Variants in FRAS1 observed in about 807,000 individuals in gnomAD.
FRAS1 encodes the protein extracellular matrix organizing protein FRAS1.
Under a neutral mutation model 435.2 loss-of-function variants are expected in FRAS1, and 290 were observed. That is an observed-to-expected ratio of 0.67 (90% CI 0.61 to 0.73). FRAS1 has a LOEUF of 0.73. Ranked by LOEUF, FRAS1 falls within the 30% of genes least tolerant of loss-of-function variation. The pLI, the probability that FRAS1 is intolerant of heterozygous loss-of-function variation, is 0.00. For missense variants in FRAS1, 4,860 were observed against 5,001.5 expected (o/e 0.97, Z 0.85); for synonymous variants, 1,800 against 1,851.0 (o/e 0.97, Z 0.71).
intron 50 of FRAS1, among the ~76,000 whole-genome samples, chr4:78,466,761 T>A (rs532283997): frequency 2.0e-5 from 3 of 152,230 alleles, no homozygotes; most frequent in Non-Finnish European, 4.4e-5. Flanking sequence ...CATCCTTTAC[T>A]CCTTAATTTT....
intron 51 of FRAS1, 146 bp from the exon 52 acceptor site, chr4:78,472,034 C>T (rs1407144161): frequency 1.2e-6 from 1 of 802,014 alleles, no homozygotes; most frequent in Non-Finnish European, 2.0e-6. Flanking sequence ...TTTTCATCCT[C>T]ATAGCCTCTC....
At chr4:78,340,495 T>A (rs1423022597) in intron 20 of FRAS1, among the ~76,000 whole-genome samples, 1 of 152,240 alleles carries the variant, frequency 6.6e-6, no homozygotes, top group Non-Finnish European at 1.5e-5. Flanking sequence ...CATTCACTCA[T>A]GTACAGATTC....
intron 2 of FRAS1, among the ~76,000 whole-genome samples, chr4:78,097,702 A>T (rs1033473526): frequency 6.6e-6 from 1 of 152,182 alleles, no homozygotes; most frequent in African/African-American, 2.4e-5. Context: ...TCATTCAGTT[A>T]TCTCCACTGG....
At chr4:78,220,041 G>T (rs755566924) in intron 2 of FRAS1, among the ~76,000 whole-genome samples, 2 of 152,188 alleles carry the variant, frequency 1.3e-5, no homozygotes, top group Non-Finnish European at 2.9e-5. Flanking sequence ...GAGTCAGAGG[G>T]CAGTAGTGAT....
chr4:78,200,069 C>T (rs902603185), intron 2 of FRAS1, among the ~76,000 whole-genome samples: 5 of 152,304 alleles, frequency 3.3e-5, no homozygotes, highest in African/African-American at 1.2e-4. Flanking sequence ...ATAACAACCA[C>T]CATCACCACC....
At chr4:78,119,820 G>A (rs1718908209) in intron 2 of FRAS1, among the ~76,000 whole-genome samples, 1 of 152,188 alleles carries the variant, frequency 6.6e-6, no homozygotes, top group South Asian at 2.1e-4. Flanking sequence ...CCATGGACCA[G>A]TGTATGGGAA....
At chr4:78,379,419 G>T in intron 26 of FRAS1, 1 of 312,328 alleles carries the variant, frequency 3.2e-6, no homozygotes. Context: ...TGGAACGTGT[G>T]TCAAAGAACA....
At chr4:78,406,980 T>C (rs183638930) in intron 30 of FRAS1, among the ~76,000 whole-genome samples, 6 of 152,342 alleles carry the variant, frequency 3.9e-5, no homozygotes, top group South Asian at 2.1e-4. Context: ...CCAAAACTTG[T>C]TTCATGCACA....
At chr4:78,117,240 C>G (rs568384683) in intron 2 of FRAS1, among the ~76,000 whole-genome samples, 1 of 152,140 alleles carries the variant, frequency 6.6e-6, no homozygotes, top group Non-Finnish European at 1.5e-5. Flanking sequence ...GGTAACCTGA[C>G]CTTTCTCTCT....
In FRAS1 at chr4:78,499,767, C is replaced by G. The variant is rs371348041; in HGVS notation, c.9162C>G (p.Pro3054=). 6.2e-7 allele frequency: 1 copy of G among 1,613,776 alleles called. No homozygotes were observed. Among genetic ancestry groups the G allele is most frequent in the Non-Finnish European group, 8.5e-7 (1 of 1,179,836 alleles). ...FEEAAYQVRE[P]AGPDAIAILN... is the part of the protein sequence containing the mutation. ...AAGCTGCATACCAAGTCCGGGAACC[C>G]GCAGGCCCAGATGCCATTGCGATTC... The change falls in exon 61 of 74, where the codon CCC becomes CCG. Residue 3054 remains proline (P), a synonymous_variant. Coordinates refer to ENST00000512123, the MANE Select transcript of FRAS1 (RefSeq NM_025074.7).
intron 23 of FRAS1, among the ~76,000 whole-genome samples, chr4:78,371,283 C>G (rs1253879055): frequency 1.3e-5 from 2 of 152,150 alleles, no homozygotes; most frequent in Non-Finnish European, 2.9e-5. Flanking sequence ...ATCTTGGAAG[C>G]ACGTGTACTG....
At chr4:78,369,718 T>G in intron 22 of FRAS1, 120 bp from the exon 23 acceptor site, 4 of 752,228 alleles carry the variant, frequency 5.3e-6, no homozygotes, top group Non-Finnish European at 7.9e-6. Context: ...TGAGCCATAA[T>G]GAAATGTAGA....
At chr4:78,294,046 T>G (rs887445932) in intron 14 of FRAS1, among the ~76,000 whole-genome samples, 1 of 152,216 alleles carries the variant, frequency 6.6e-6, no homozygotes, top group Admixed American at 6.5e-5. Context: ...TCTTCTGGCT[T>G]TCTGCCCAGT....
intron 2 of FRAS1, among the ~76,000 whole-genome samples, chr4:78,199,278 A>G (rs1477223570): frequency 1.3e-5 from 2 of 152,120 alleles, no homozygotes; most frequent in East Asian, 3.9e-4. Context: ...TAGTTTGGGG[A>G]TTTAAGTTTT....
chr4:78,534,147 C>T (rs1721811795), intron 70 of FRAS1, among the ~76,000 whole-genome samples: 1 of 152,028 alleles, frequency 6.6e-6, no homozygotes, highest in South Asian at 2.1e-4. Context: ...GCGGGGAGCA[C>T]TTTAGAAGTC....
At chr4:78,312,855 A>AGAG in intron 15 of FRAS1, among the ~76,000 whole-genome samples, 1 of 75,290 alleles carries the variant, frequency 1.3e-5, no homozygotes, top group African/African-American at 9.4e-5. Flanking sequence ...GAAAGAAAGA[A>AGAG]AGAAAGAGAG....
chr4:78,085,959 C>G (rs1741137324), intron 2 of FRAS1, among the ~76,000 whole-genome samples: 2 of 152,190 alleles, frequency 1.3e-5, no homozygotes, highest in South Asian at 4.1e-4. Flanking sequence ...CACCCCAAAT[C>G]AACAGAATAT....
chr4:78,440,463 C>G (rs1734617522), intron 40 of FRAS1, among the ~76,000 whole-genome samples: 1 of 152,166 alleles, frequency 6.6e-6, no homozygotes, highest in Non-Finnish European at 1.5e-5. Flanking sequence ...ATTTATAGAT[C>G]TTCCTACAGT....
At chr4:78,334,933 T>A (rs901194035) in intron 19 of FRAS1, among the ~76,000 whole-genome samples, 3 of 151,924 alleles carry the variant, frequency 2.0e-5, no homozygotes, top group African/African-American at 2.4e-5. Context: ...TAATTTTTTT[T>A]AAATTTTTTG....
Sources: allele counts gnomAD v4.1 joint callset (sites outside exome capture counted in the v4.1 genomes callset), GRCh38; gene constraint gnomAD v4.1.1; transcripts MANE v1.5; gene names NCBI Gene and HGNC (gene_info 2026-07-23, HGNC 2026-07-21).